The following MFGE8 variants were observed in gnomAD, a reference collection of about 807,000 sequenced individuals.
The protein encoded by MFGE8 is milk fat globule EGF and factor V/VIII domain containing.
MFGE8 carries 34 observed loss-of-function variants against 42.6 expected under a neutral mutation model. That is an observed-to-expected ratio of 0.80 (90% confidence interval 0.61 to 1.06). MFGE8 has a LOEUF of 1.06. Ranked by LOEUF, MFGE8 falls within the 50% of genes least tolerant of loss-of-function variation. The pLI is 0.00. For synonymous variants in MFGE8, 230 were observed against 214.8 expected, an observed-to-expected ratio of 1.07 and a Z score of -0.62; for missense variants, 510 against 516.9, an observed-to-expected ratio of 0.99 and a Z score of 0.13.
In MFGE8 at chr15:88,907,404, G is replaced by A. The variant is rs1421377588; in HGVS notation, c.206-28C>T. On this transcript the variant is annotated intron_variant, in intron 2 of 7. Transcript: ENST00000268150. ...GAGGGAAGGGAGGTGGCAGTCAGGT[G>A]GCTACCCCAGCAGGTTCCCGGGCCC... 1.6e-5 allele frequency: 26 copies of A among 1,610,756 alleles called. No homozygotes were observed. The East Asian group carries it at 4.2e-4, about 26-fold the overall frequency.
chr15:88,909,678 C>A, intron 2 of MFGE8, 114 bp downstream of exon 2: 2 of 1,521,332 alleles, frequency 1.3e-6, no homozygotes, highest in Middle Eastern at 2.3e-4. Flanking sequence ...TTGACACCTC[C>A]ACTGGGGTGG....
At chr15:88,912,586 G>A in intron 1 of MFGE8, 1 of 985,406 alleles carries the variant, frequency 1.0e-6, no homozygotes, top group Non-Finnish European at 1.2e-6. Flanking sequence ...CCTCCTGGGA[G>A]GCGGAGGAGG....
Position 88,906,109 on chromosome 15 carries a change from T to G in MFGE8, c.541-208A>C. On this transcript the variant is annotated intron_variant, in intron 4 of 7. Transcript: ENST00000268150. The surrounding 1 kb of genome is among the most constrained non-coding windows in gnomAD (Gnocchi z 4.2). ...ACAAAGATTCTCCTCTCACTTTCCT[T>G]AATCATCATGGAGCCTGGGCATAAA... is the stretch of plus-strand genomic sequence containing the variant. 1.6e-6 allele frequency: 1 copy of G among 624,474 alleles called. No homozygotes were observed. The highest frequency in any genetic ancestry group is 2.8e-6 in the Non-Finnish European group (1 of 353,206). The allele number at this position is 624,474 out of a possible 1,614,324, so 38.7% of individuals were successfully genotyped here. A position where few individuals can be genotyped will look rare whatever the true frequency, so the allele number is the denominator to read the frequency against.
In MFGE8 at chr15:88,913,134, C is replaced by T. The variant is rs890251205; in HGVS notation, c.73+113G>A. The T allele has an allele frequency of 1.3e-5, 18 of 1,388,680 alleles. No individual in the cohort carries two copies. The South Asian group carries it at 2.9e-4, about 23-fold the overall frequency. 86.0% of individuals were successfully genotyped at this position (1,388,680 alleles called of 1,614,324 possible). ...GCCGCCCCTCTGCCCAGCCCGGTCC[C>T]CGGGGCTTTGTCTAAGTTTGTCAAC... On this transcript the variant is annotated intron_variant, in intron 1 of 7. Transcript: ENST00000268150.
chr15:88,908,757 A>G (rs1850365149), intron 2 of MFGE8, among the ~76,000 whole-genome samples: 1 of 152,074 alleles, frequency 6.6e-6, no homozygotes, highest in Non-Finnish European at 1.5e-5. Flanking sequence ...ACACCCTTCC[A>G]CCAGGATCTC....
In MFGE8 at chr15:88,905,606, C is replaced by A; in HGVS notation, c.685+151G>T. The A allele has an allele frequency of 3.0e-6, 3 of 1,013,136 alleles. No homozygotes were observed. Among genetic ancestry groups the A allele is most frequent in the Non-Finnish European group, 4.5e-6 (3 of 665,690 alleles). 62.8% of individuals were successfully genotyped at this position (1,013,136 alleles called of 1,614,324 possible). On this transcript the variant is annotated intron_variant, in intron 5 of 7. Coordinates refer to ENST00000268150, the MANE Select transcript of MFGE8 (RefSeq NM_005928.4). The surrounding 1 kb of genome is among the most constrained non-coding windows in gnomAD (Gnocchi z 6.6). ...GGGTGGGGCTGCTATGGCCAGGTGA[C>A]CCCCTAGAGTGCGTTGCCCGAGTGA...
chr15:88,900,468 C>T (rs1328673341), intron 6 of MFGE8, among the ~76,000 whole-genome samples: 6 of 152,156 alleles, frequency 3.9e-5, no homozygotes, highest in African/African-American at 1.2e-4. Flanking sequence ...CCTGCGGCGC[C>T]GCCCACAGTC....
At chr15:88,908,458 G>A (rs890244823) in intron 2 of MFGE8, among the ~76,000 whole-genome samples, 16 of 152,156 alleles carry the variant, frequency 1.1e-4, no homozygotes, top group African/African-American at 1.9e-4. Context: ...CTTTGGGCCC[G>A]CAGGGTCCTT....
intron 6 of MFGE8, 23 bp downstream of exon 6, chr15:88,901,528 A>AC: frequency 9.0e-7 from 1 of 1,115,248 alleles, no homozygotes; most frequent in Non-Finnish European, 1.3e-6. Flanking sequence ...CCCCAGCCCC[A>AC]TATCCCAAGA....
chr15:88,907,069 C>T, intron 3 of MFGE8, 126 bp downstream of exon 3: 1 of 1,235,734 alleles, frequency 8.1e-7, no homozygotes, highest in Non-Finnish European at 1.1e-6. Flanking sequence ...ATACTTCATC[C>T]ATGGGAACCT....
Position 88,913,281 on chromosome 15 carries a change from C to T in MFGE8, c.39G>A (p.Ala13=). 6.7e-7 allele frequency: 1 copy of T among 1,488,602 alleles called. No homozygotes were observed. The highest frequency in any genetic ancestry group is 8.9e-7 in the Non-Finnish European group (1 of 1,127,962). The allele number at this position is 1,488,602 out of a possible 1,614,324, so 92.2% of individuals were successfully genotyped here. Residue 13 remains alanine, a synonymous_variant, in exon 1 of 8, where the codon GCG becomes GCA. Coordinates refer to ENST00000268150, the MANE Select transcript of MFGE8 (RefSeq NM_005928.4). The part of the protein sequence containing the change: ...RPRLLAALCG[A]LLCAPSLLVA... ...CGAGGAGGCTGGGGGCGCAGAGCAG[C>T]GCGCCGCACAGCGCGGCCAGCAGGC...
chr15:88,913,060 G>A, intron 1 of MFGE8, 187 bp downstream of exon 1: 1 of 985,384 alleles, frequency 1.0e-6, no homozygotes, highest in Non-Finnish European at 1.2e-6. Context: ...CCCCAGCGCA[G>A]AGACAGCAGG....
chr15:88,907,491 G>T, intron 2 of MFGE8, 115 bp from the exon 3 acceptor site: 1 of 928,750 alleles, frequency 1.1e-6, no homozygotes, highest in Non-Finnish European at 1.7e-6. Flanking sequence ...CCCAGGGCCA[G>T]GGAGAACCTC....
intron 5 of MFGE8, chr15:88,904,495 C>G (rs375840384): frequency 5.3e-5 from 8 of 152,242 alleles, no homozygotes; most frequent in African/African-American, 1.9e-4. Context: ...TCTCTTGGCC[C>G]TGAGCAGGGG....
Position 88,902,007 on chromosome 15 carries a change from A to C in MFGE8, c.686-272T>G. On this transcript the variant is annotated intron_variant, in intron 5 of 7. Coordinates refer to ENST00000268150, the MANE Select transcript of MFGE8 (RefSeq NM_005928.4). This position sits in a 1 kb window ranked among gnomAD's most constrained non-coding sequence, Gnocchi z 4.3. ...ACCACCCTTCTCCTCTGCACCAGGG[A>C]AGGCCCCTGCTCCACCACCTCCTGC... 2.2e-6 allele frequency: 1 copy of C among 464,382 alleles called. No homozygotes were observed. The highest frequency in any genetic ancestry group is 6.4e-4 in the Middle Eastern group (1 of 1,566). 28.8% of individuals were successfully genotyped at this position (464,382 alleles called of 1,614,324 possible).
At chr15:88,907,776 G>A (rs1461126225) in intron 2 of MFGE8, among the ~76,000 whole-genome samples, 1 of 151,996 alleles carries the variant, frequency 6.6e-6, no homozygotes, top group Non-Finnish European at 1.5e-5. Context: ...TCTGGTGCAG[G>A]GGTTAGACTG....
chr15:88,908,417 G>A (rs772873431), intron 2 of MFGE8, among the ~76,000 whole-genome samples: 1 of 152,120 alleles, frequency 6.6e-6, no homozygotes, highest in Non-Finnish European at 1.5e-5. Context: ...ACCCCACCAC[G>A]CTCACACCCT....
Position 88,906,791 on chromosome 15 carries a change from C to A in MFGE8, c.388-13G>T, listed in dbSNP as rs1385202049. 6.2e-7 allele frequency: 1 copy of A among 1,612,318 alleles called. No individual in the cohort carries two copies. The highest frequency in any genetic ancestry group is 1.3e-5 in the African/African-American group (1 of 74,850). ...GCAGCAGGTTCACCTGGACACAGGGCAGGGGAGATGGCACCCTTATCTCCT... is the reference window on the plus strand; with the variant it reads ...GCAGCAGGTTCACCTGGACACAGGGAAGGGGAGATGGCACCCTTATCTCCT... On this transcript the variant is annotated splice_polypyrimidine_tract_variant and intron_variant, in intron 3 of 7. Coordinates refer to ENST00000268150, the MANE Select transcript of MFGE8 (RefSeq NM_005928.4). The surrounding 1 kb of genome is among the most constrained non-coding windows in gnomAD (Gnocchi z 4.2).
Position 88,905,600 on chromosome 15 carries a change from A to G in MFGE8, c.685+157T>C. The G allele has an allele frequency of 3.2e-6, 3 of 951,770 alleles. No individual in the cohort carries two copies. The highest frequency in any genetic ancestry group is 4.9e-6 in the Non-Finnish European group (3 of 610,460). The allele number at this position is 951,770 out of a possible 1,614,324, so 59.0% of individuals were successfully genotyped here. On this transcript the variant is annotated intron_variant, in intron 5 of 7. Transcript: ENST00000268150. The surrounding 1 kb of genome is among the most constrained non-coding windows in gnomAD (Gnocchi z 6.6). ...ACACCTGGGTGGGGCTGCTATGGCC[A>G]GGTGACCCCCTAGAGTGCGTTGCCC...
Sources: gnomAD v4.1 joint callset for allele counts (sites outside exome capture counted in the v4.1 genomes callset) on GRCh38, gnomAD v4.1.1 for gene constraint, Gnocchi (gnomAD v3.1) non-coding constraint, MANE v1.5 for transcripts, NCBI Gene and HGNC (gene_info 2026-07-23, HGNC 2026-07-21) for gene names.